The following GLI2 variants were observed in gnomAD, a reference collection of about 807,000 sequenced individuals.
The protein encoded by GLI2 is GLI family zinc finger 2.
A neutral mutation model predicts 78.9 loss-of-function variants in GLI2; 22 were observed. The observed-to-expected ratio is 0.28, with a 90% CI of 0.20 to 0.40. The LOEUF is 0.40. Ranked by LOEUF, GLI2 falls within the 10% of genes least tolerant of loss-of-function variation. The probability of loss-of-function intolerance (pLI) is 1.00; values close to 1 mark genes in which losing one functional copy is unlikely to be tolerated. For missense variants in GLI2, 2,097 were observed against 2,213.2 expected (o/e 0.95, Z 1.05); for synonymous variants, 974 against 963.7 (o/e 1.01, Z -0.20).
At chr2:120,976,479 A>G (rs1682462345) in intron 9 of GLI2, among the ~76,000 whole-genome samples, 1 of 152,202 alleles carries the variant, frequency 6.6e-6, no homozygotes, top group African/African-American at 2.4e-5. Context: ...TTCAACTTGT[A>G]CCACCTCTTT....
At chr2:120,913,931 C>A (rs1678959399) in intron 2 of GLI2, among the ~76,000 whole-genome samples, 1 of 152,218 alleles carries the variant, frequency 6.6e-6, no homozygotes, top group South Asian at 2.1e-4. Flanking sequence ...TGGCAGAGTG[C>A]AAAGCTGGGA....
chr2:120,934,963 C>T (rs963917966), intron 3 of GLI2, among the ~76,000 whole-genome samples: 2 of 152,186 alleles, frequency 1.3e-5, no homozygotes, highest in African/African-American at 4.8e-5. Flanking sequence ...CATCCCGGGC[C>T]TTTATGACTC....
In GLI2 at chr2:120,879,991, A is replaced by G. The variant is rs951794715; in HGVS notation, c.149-47370A>G. 5.3e-5 allele frequency among the ~76,000 whole-genome samples: 8 copies of G among 152,324 alleles called. No homozygotes were observed. The East Asian group carries it at 9.6e-4, about 18-fold the overall frequency. On this transcript the variant is annotated intron_variant, in intron 2 of 13. Transcript: ENST00000361492. ...TGTGTATATTTTCATATTTCTGCAC[A>G]TCATGCTAGAGACGAGGGTAGGAAT...
At chr2:120,782,629 G>GGAT (rs1683881732) in intron 1 of GLI2, among the ~76,000 whole-genome samples, 3 of 152,158 alleles carry the variant, frequency 2.0e-5, no homozygotes, top group Admixed American at 6.5e-5. Context: ...CTCAGAGCCT[G>GGAT]GATGACAGTG....
chr2:120,923,991 A>G (rs1456521325), intron 2 of GLI2, among the ~76,000 whole-genome samples: 1 of 152,162 alleles, frequency 6.6e-6, no homozygotes, highest in East Asian at 1.9e-4. Context: ...ACCTGGGTGA[A>G]GTTGCCTGAA....
At chr2:120,914,177 G>A (rs886498386) in intron 2 of GLI2, among the ~76,000 whole-genome samples, 75 of 152,362 alleles carry the variant, frequency 4.9e-4, no homozygotes, top group African/African-American at 1.7e-3. Context: ...ATAGCTAGCC[G>A]ACAAGGTCCC....
In GLI2 at chr2:120,797,906, C is replaced by A. The variant is rs189830371; in HGVS notation, c.148+438C>A. On this transcript the variant is annotated intron_variant, in intron 2 of 13. Transcript: ENST00000361492. The stretch of plus-strand genomic sequence containing the variant: ...CTGGCTCTAATTAGAGGGTCAGGTT[C>A]GGGATTTACTATCTTAGGTGAATTT... 1.2e-4 allele frequency among the ~76,000 whole-genome samples: 18 copies of A among 152,276 alleles called. 1 individual carries two copies. Among genetic ancestry groups the A allele is most frequent in the African/African-American group, 4.3e-4 (18 of 41,558 alleles).
Position 120,990,293 on chromosome 2 carries a change from T to A in GLI2, c.4328T>A (p.Leu1443Gln). The A allele has an allele frequency of 6.2e-7, 1 of 1,613,648 alleles. No homozygotes were observed. The highest frequency in any genetic ancestry group is 8.5e-7 in the Non-Finnish European group (1 of 1,180,004). ...CACATGTACGAACAGGATGGAGGCC[T>A]GGAGAACCTCGGGAGCTGCCAGGTC... ...QIHMYEQDGGLENLGSCQVMR... is the reference protein window; with the variant it reads ...QIHMYEQDGGQENLGSCQVMR... The change falls in exon 14 of 14, where the codon CTG becomes CAG. Residue 1443 changes from leucine (L) to glutamine (Q), a missense_variant. Physicochemically the swap from Leu to Gln is moderately radical, Grantham distance 113. Around this residue, in one of 5 missense-constraint regions of GLI2, gnomAD observed 1,290 missense variants for 1,261.7 expected, o/e 1.02. Coordinates refer to ENST00000361492, the MANE Select transcript of GLI2 (RefSeq NM_001374353.1).
intron 2 of GLI2, among the ~76,000 whole-genome samples, chr2:120,872,969 G>T (rs1348566628): frequency 6.6e-6 from 1 of 152,236 alleles, no homozygotes; most frequent in Non-Finnish European, 1.5e-5. Context: ...TACCCTCAGT[G>T]TACCACCCAG....
intron 2 of GLI2, among the ~76,000 whole-genome samples, chr2:120,799,776 T>G (rs1454402006): frequency 1.3e-5 from 2 of 152,204 alleles, no homozygotes; most frequent in African/African-American, 2.4e-5. Flanking sequence ...CCTCATGTAT[T>G]CAGCAACCCT....
intron 1 of GLI2, among the ~76,000 whole-genome samples, chr2:120,740,897 G>A (rs1024098602): frequency 6.6e-6 from 1 of 152,246 alleles, no homozygotes; most frequent in Admixed American, 6.5e-5. Context: ...GCTGCAGGCT[G>A]AGGCGGGGAC....
intron 5 of GLI2, among the ~76,000 whole-genome samples, chr2:120,968,125 A>C (rs2105011564): frequency 6.6e-6 from 1 of 152,346 alleles, no homozygotes; most frequent in South Asian, 2.1e-4. Context: ...TAGCATGGAG[A>C]AATCTTACAA....
intron 8 of GLI2, 56 bp from the exon 9 acceptor site, chr2:120,974,919 T>C (rs1682377126): frequency 1.2e-6 from 2 of 1,614,038 alleles, no homozygotes; most frequent in Non-Finnish European, 1.7e-6. Context: ...GCGACCTCTT[T>C]TCAGGGCCAG....
At chr2:120,940,904 C>T (rs1184718691) in intron 3 of GLI2, among the ~76,000 whole-genome samples, 2 of 152,182 alleles carry the variant, frequency 1.3e-5, no homozygotes, top group East Asian at 1.9e-4. Context: ...GGGCCCTGGC[C>T]GGGTCTGTCT....
At chr2:120,798,137 G>T (rs982237518) in intron 2 of GLI2, among the ~76,000 whole-genome samples, 1 of 152,248 alleles carries the variant, frequency 6.6e-6, no homozygotes, top group South Asian at 2.1e-4. Flanking sequence ...GGAATGGAGA[G>T]ACTTCGATTT....
chr2:120,970,605 A>T lies in GLI2; in HGVS notation c.1058A>T (p.Gln353Leu). 6.2e-7 allele frequency: 1 copy of T among 1,613,112 alleles called. No homozygotes were observed. Reference protein sequence around the residue: ...SSSNCLSDTNQNKQSSESAVS... With the variant: ...SSSNCLSDTNLNKQSSESAVS... ...AGCAACTGTCTGAGTGACACCAACCAGGTAGGTGGGTGCAGGGGCCAGGAT... is the reference window on the plus strand; with the variant it reads ...AGCAACTGTCTGAGTGACACCAACCTGGTAGGTGGGTGCAGGGGCCAGGAT... The change falls in exon 7 of 14, where the codon CAG becomes CTG. Residue 353 changes from glutamine (Q) to leucine (L), a missense_variant and splice_region_variant. Physicochemically the swap from Gln to Leu is moderately radical, Grantham distance 113. Coordinates refer to ENST00000361492, the MANE Select transcript of GLI2 (RefSeq NM_001374353.1).
chr2:120,785,996 G>A (rs1397982253), intron 1 of GLI2, among the ~76,000 whole-genome samples: 35 of 152,316 alleles, frequency 2.3e-4, no homozygotes. Flanking sequence ...GCCTTTCTGG[G>A]TGCCAGACTC....
At chr2:120,763,308 G>A (rs1386872048) in intron 1 of GLI2, among the ~76,000 whole-genome samples, 2 of 152,224 alleles carry the variant, frequency 1.3e-5, no homozygotes, top group African/African-American at 2.4e-5. Flanking sequence ...CTGAATAAAC[G>A]ATTGAATGAA....
chr2:120,963,503 G>A (rs997439387), intron 5 of GLI2, among the ~76,000 whole-genome samples: 8 of 152,120 alleles, frequency 5.3e-5, no homozygotes, highest in African/African-American at 1.9e-4. Flanking sequence ...TGGGGTGTGT[G>A]TCTCCACCTG....
Sources: allele counts gnomAD v4.1 joint callset (sites outside exome capture counted in the v4.1 genomes callset), GRCh38; gene constraint gnomAD v4.1.1; regional missense constraint gnomAD v4.1.1; transcripts MANE v1.5; gene names NCBI Gene and HGNC (gene_info 2026-07-23, HGNC 2026-07-21).